The following TRHDE variants were observed in gnomAD, a reference collection of about 807,000 sequenced individuals.
TRHDE encodes thyrotropin-releasing hormone-degrading ectoenzyme.
A neutral mutation model predicts 125.7 loss-of-function variants in TRHDE; 72 were observed. That is an observed-to-expected ratio of 0.57 (90% CI 0.47 to 0.70). TRHDE has a LOEUF of 0.70. TRHDE is among the 30% of genes least tolerant of loss of function. The probability of loss-of-function intolerance (pLI) is 0.00; values close to 1 mark genes in which losing one functional copy is unlikely to be tolerated. For synonymous variants in TRHDE, 509 were observed against 509.1 expected (o/e 1.00, Z 0.00); for missense variants, 1,110 against 1,327.1 (o/e 0.84, Z 2.54).
chr12:72,286,938 C>T lies in TRHDE; in HGVS notation c.1172C>T (p.Thr391Ile), dbSNP rs377654926. ...AACTTCACATACAGAGAAACTACCA[C>T]CAAGAGTGGGGTTGTAGTAAGTATT... ...ICNFTYRETT[T>I]KSGVVVRLYA... Residue 391 changes from threonine to isoleucine, a missense_variant, in exon 2 of 19, where the codon ACC (threonine) becomes ATC (isoleucine). Physicochemically the swap from Thr to Ile is moderately conservative, Grantham distance 89. Coordinates refer to ENST00000261180, the MANE Select transcript of TRHDE (RefSeq NM_013381.3). The T allele has an allele frequency of 1.9e-6, 3 of 1,613,694 alleles. No homozygotes were observed. The highest frequency in any genetic ancestry group is 2.5e-6 in the Non-Finnish European group (3 of 1,179,930).
chr12:72,258,027 G>A (rs191631317), intron 2 of TRHDE: 2 of 152,190 alleles, frequency 1.3e-5, no homozygotes, highest in Admixed American at 6.5e-5. Context: ...TAGAAGATGA[G>A]GGTGCAGAAG....
At chr12:72,362,776 A>C (rs1871160610) in intron 2 of TRHDE, among the ~76,000 whole-genome samples, 1 of 152,046 alleles carries the variant, frequency 6.6e-6, no homozygotes, top group African/African-American at 2.4e-5. Flanking sequence ...TCAGCTTTCT[A>C]CATATGGCTA....
chr12:72,365,567 C>A (rs1431068450), intron 2 of TRHDE, among the ~76,000 whole-genome samples: 1 of 151,928 alleles, frequency 6.6e-6, no homozygotes, highest in Non-Finnish European at 1.5e-5. Flanking sequence ...GTATTGGAAG[C>A]TTGGTAATAA....
intron 5 of TRHDE, among the ~76,000 whole-genome samples, chr12:72,485,927 T>C (rs1877386203): frequency 6.6e-6 from 1 of 152,152 alleles, no homozygotes; most frequent in Non-Finnish European, 1.5e-5. Context: ...TTGCTATTTC[T>C]GAGTACTTGC....
intron 1 of TRHDE, among the ~76,000 whole-genome samples, chr12:72,280,883 C>G (rs181705307): frequency 6.6e-6 from 1 of 152,138 alleles, no homozygotes; most frequent in Admixed American, 6.5e-5. Context: ...TATAATACTT[C>G]CGTAATATTT....
intron 2 of TRHDE, among the ~76,000 whole-genome samples, chr12:72,319,711 A>AGCTT (rs1332753742): frequency 1.3e-5 from 2 of 152,202 alleles, no homozygotes; most frequent in African/African-American, 4.8e-5. Context: ...TTATGCTGGC[A>AGCTT]GCTTGCACTG....
intron 17 of TRHDE, among the ~76,000 whole-genome samples, chr12:72,654,827 A>G (rs551037828): frequency 5.3e-5 from 8 of 152,082 alleles, no homozygotes; most frequent in South Asian, 2.1e-4. Context: ...ATCTCTTCCC[A>G]GTACTCTTAC....
chr12:72,557,413 T>C (rs1869975001), intron 7 of TRHDE, among the ~76,000 whole-genome samples: 1 of 152,154 alleles, frequency 6.6e-6, no homozygotes, highest in Non-Finnish European at 1.5e-5. Context: ...ATACTCCTAT[T>C]TTAAAAGTCA....
rs201444430 is a variant in TRHDE at position 72,568,316 on chromosome 12, CA to C, written c.2043-250del. 8.9e-3 allele frequency among the ~76,000 whole-genome samples: 1,355 copies of C among 151,946 alleles called. 19 individuals carry two copies. Among genetic ancestry groups the C allele is most frequent in the African/African-American group, 0.031 (1,289 of 41,496 alleles). On this transcript the variant is annotated intron_variant, in intron 9 of 18. Coordinates refer to ENST00000261180, the MANE Select transcript of TRHDE (RefSeq NM_013381.3). ...TTCAAAATGCGAATCTTTTTTCCCC[CA>C]AGAAAAATGGTTTTGTTGGCAGTTC...
chr12:72,388,130 A>G (rs1449522812), intron 3 of TRHDE, among the ~76,000 whole-genome samples: 4 of 151,674 alleles, frequency 2.6e-5, no homozygotes, highest in African/African-American at 9.7e-5. Context: ...ACCCATTCCA[A>G]CCCAAGGCCT....
chr12:72,192,338 C>G (rs1280743300), intron 2 of TRHDE, among the ~76,000 whole-genome samples: 2 of 151,846 alleles, frequency 1.3e-5, no homozygotes, highest in Admixed American at 1.3e-4. Context: ...AATTTTAAGC[C>G]GAAGTTTAAA....
intron 9 of TRHDE, among the ~76,000 whole-genome samples, chr12:72,564,746 C>T (rs1870357496): frequency 7.1e-6 from 1 of 140,490 alleles, no homozygotes; most frequent in Non-Finnish European, 1.5e-5. Flanking sequence ...CGGCTCACTG[C>T]AAGCTCCGCC....
chr12:72,174,663 G>A (rs1197349579), intron 2 of TRHDE, among the ~76,000 whole-genome samples: 1 of 152,070 alleles, frequency 6.6e-6, no homozygotes, highest in Admixed American at 6.5e-5. Flanking sequence ...GTTGGAATTT[G>A]TATGATGTTT....
chr12:72,245,235 T>TTG lies in TRHDE; in HGVS notation n.280-132754_280-132753dup, dbSNP rs760361021. Reference sequence around the variant, plus strand: ...ACATTCTTTGGTTTTATATCTATGTTTGTGTGTATGTGTGTGTGTGTGTGT... The same window carrying TTG: ...ACATTCTTTGGTTTTATATCTATGTTTGTGTGTGTATGTGTGTGTGTGTGTGT... On this transcript the variant is annotated intron_variant and non_coding_transcript_variant, in intron 2 of 4. Coordinates refer to the TRHDE transcript ENST00000548156. Among the ~76,000 whole-genome samples, 1,107 of 142,046 alleles carry TTG rather than the reference T, an allele frequency of 7.8e-3. 20 individuals are homozygous for TTG. The highest frequency in any genetic ancestry group is 0.034 in the Middle Eastern group (10 of 290). 93.2% of individuals were successfully genotyped at this position (142,046 alleles called of 152,430 possible). A position where few individuals can be genotyped will look rare whatever the true frequency, so the allele number is the denominator to read the frequency against.
chr12:72,214,945 T>A (rs532724711), intron 2 of TRHDE, among the ~76,000 whole-genome samples: 5 of 152,218 alleles, frequency 3.3e-5, no homozygotes, highest in Non-Finnish European at 7.4e-5. Flanking sequence ...ATTGTGTCTT[T>A]TTCACTTTTT....
chr12:72,560,012 A>G (rs1391054459), intron 7 of TRHDE, among the ~76,000 whole-genome samples: 1 of 152,198 alleles, frequency 6.6e-6, no homozygotes, highest in Non-Finnish European at 1.5e-5. Flanking sequence ...AATGAAAAAA[A>G]ATAGATGACT....
intron 3 of TRHDE, among the ~76,000 whole-genome samples, chr12:72,464,078 G>GTT (rs1278952692): frequency 7.2e-5 from 11 of 152,180 alleles, no homozygotes; most frequent in Non-Finnish European, 1.3e-4. Flanking sequence ...TATTAAGCCA[G>GTT]ATTAAAAGGG....
chr12:72,302,269 TGC>T (rs1565690467), intron 2 of TRHDE, among the ~76,000 whole-genome samples: 5 of 140,662 alleles, frequency 3.6e-5, no homozygotes, highest in African/African-American at 1.3e-4. Flanking sequence ...TGTGTGTGTG[TGC>T]ATGTGTGTTT....
At chr12:72,167,013 A>G (rs749150032) in intron 2 of TRHDE, among the ~76,000 whole-genome samples, 7 of 151,622 alleles carry the variant, frequency 4.6e-5, no homozygotes, top group Non-Finnish European at 4.4e-5. Context: ...CTGACGACAA[A>G]TGTTTGAGGA....
Sources: gnomAD v4.1 joint callset for allele counts (sites outside exome capture counted in the v4.1 genomes callset) on GRCh38, gnomAD v4.1.1 for gene constraint, MANE v1.5 for transcripts, NCBI Gene and HGNC (gene_info 2026-07-23, HGNC 2026-07-21) for gene names.